The following CDK13 variants were observed in gnomAD, a reference collection of about 807,000 sequenced individuals.
The protein encoded by CDK13 is cyclin-dependent kinase 13.
A neutral mutation model predicts 137.6 loss-of-function variants in CDK13; 40 were observed. That is an observed-to-expected ratio of 0.29 (90% CI 0.23 to 0.38). The LOEUF (loss-of-function observed/expected upper bound fraction) is 0.38. Among genes scored for constraint, CDK13 ranks in the 10% least tolerant of loss-of-function variants. CDK13 has a pLI of 1.00. For missense variants in CDK13, 1,704 were observed against 1,951.8 expected, an observed-to-expected ratio of 0.87 and a Z score of 2.39; for synonymous variants, 869 against 760.1, an observed-to-expected ratio of 1.14 and a Z score of -2.36.
rs553065336 is a variant in CDK13 at position 39,962,764 on chromosome 7, A to G, written c.1211+10912A>G. 5.9e-5 allele frequency among the ~76,000 whole-genome samples: 9 copies of G among 152,230 alleles called. No individual in the cohort carries two copies. The South Asian group carries it at 1.7e-3, about 28-fold the overall frequency. The stretch of plus-strand genomic sequence containing the variant: ...TTTCTTCTAGGCTTTTAGGTCTAAC[A>G]TTTAAGTCTGTAATCCATCTTGAAT... On this transcript the variant is annotated intron_variant, in intron 1 of 13. Transcript: ENST00000181839.
intron 9 of CDK13, chr7:40,068,106 A>G (rs939803745): frequency 4.0e-5 from 6 of 150,724 alleles, no homozygotes; most frequent in Non-Finnish European, 8.8e-5. Context: ...AAAAAAAAGA[A>G]AAATTGTATA....
intron 12 of CDK13, among the ~76,000 whole-genome samples, chr7:40,090,930 G>A (rs1325547951): frequency 6.6e-6 from 1 of 151,990 alleles, no homozygotes; most frequent in African/African-American, 2.4e-5. Context: ...AGAATTCCAG[G>A]CTGGGCATGG....
At chr7:40,021,222 C>T (rs1024134075) in intron 5 of CDK13, among the ~76,000 whole-genome samples, 11 of 152,010 alleles carry the variant, frequency 7.2e-5, no homozygotes, top group South Asian at 2.1e-4. Context: ...TTTGACTGGG[C>T]GCGGTGGCTC....
intron 11 of CDK13, among the ~76,000 whole-genome samples, chr7:40,081,129 C>G (rs1363146305): frequency 6.6e-6 from 1 of 152,076 alleles, no homozygotes; most frequent in African/African-American, 2.4e-5. Flanking sequence ...TCCAAGCTAG[C>G]TCTTTGGTAA....
At chr7:40,065,044 A>G (rs1137931) in intron 9 of CDK13, among the ~76,000 whole-genome samples, 1 of 138,776 alleles carries the variant, frequency 7.2e-6, no homozygotes, top group Non-Finnish European at 1.5e-5. Flanking sequence ...CTTGGACTCA[A>G]GCGATCATCC....
chr7:39,990,009 C>A (rs1173261066), intron 2 of CDK13, among the ~76,000 whole-genome samples: 1 of 152,172 alleles, frequency 6.6e-6, no homozygotes. Context: ...TGGTCTCGAT[C>A]TCCTGACCTC....
chr7:40,067,184 A>G (rs1786298934), intron 9 of CDK13: 1 of 152,236 alleles, frequency 6.6e-6, no homozygotes, highest in Non-Finnish European at 1.5e-5. Flanking sequence ...TCATAAAACT[A>G]GCAAGTGGCA....
intron 1 of CDK13, among the ~76,000 whole-genome samples, chr7:39,975,521 C>T (rs1260313460): frequency 6.6e-6 from 1 of 152,152 alleles, no homozygotes; most frequent in Non-Finnish European, 1.5e-5. Flanking sequence ...AAGGAAATCT[C>T]CTATTTTGTA....
intron 9 of CDK13, chr7:40,069,312 A>G (rs1292737184): frequency 2.2e-6 from 1 of 455,796 alleles, no homozygotes. Context: ...CTTTTCAGAC[A>G]TGAAGAAAAT....
chr7:40,012,162 T>C (rs1217865114), intron 5 of CDK13, among the ~76,000 whole-genome samples: 3 of 152,100 alleles, frequency 2.0e-5, no homozygotes, highest in Non-Finnish European at 4.4e-5. Context: ...AGGAAATAAG[T>C]GTTGTCCAGG....
At chr7:39,959,838 C>G (rs1787551587) in intron 1 of CDK13, among the ~76,000 whole-genome samples, 1 of 76,656 alleles carries the variant, frequency 1.3e-5, no homozygotes, top group Non-Finnish European at 2.4e-5. Context: ...TAGCTACTAA[C>G]TTGTTTTTTT....
At chr7:40,089,625 A>G (rs1411116725) in intron 12 of CDK13, among the ~76,000 whole-genome samples, 1 of 151,880 alleles carries the variant, frequency 6.6e-6, no homozygotes, top group Admixed American at 6.6e-5. Flanking sequence ...TGCCTAAAAC[A>G]TCCAGAAACA....
intron 5 of CDK13, among the ~76,000 whole-genome samples, chr7:40,012,706 G>C (rs1784920627): frequency 6.6e-6 from 1 of 152,136 alleles, no homozygotes; most frequent in Admixed American, 6.5e-5. Context: ...CCTGAGGTCA[G>C]TTCAAGACTA....
intron 7 of CDK13, among the ~76,000 whole-genome samples, chr7:40,052,309 T>C (rs1785909528): frequency 6.6e-6 from 1 of 152,112 alleles, no homozygotes; most frequent in East Asian, 1.9e-4. Flanking sequence ...CCTGAGTAGA[T>C]GGGATTACAG....
chr7:40,028,296 A>G (rs1186628596), intron 5 of CDK13, among the ~76,000 whole-genome samples: 1 of 146,978 alleles, frequency 6.8e-6, no homozygotes, highest in African/African-American at 2.6e-5. Context: ...TAGGCTCACT[A>G]CAAGCTCCGC....
intron 1 of CDK13, among the ~76,000 whole-genome samples, chr7:39,970,714 G>A (rs1047362491): frequency 6.6e-6 from 1 of 152,148 alleles, no homozygotes; most frequent in Non-Finnish European, 1.5e-5. Context: ...ACCCACTTCA[G>A]CCTCCCAAAG....
In CDK13 at chr7:40,050,295, G is replaced by A. The variant is rs1292297355; in HGVS notation, c.2600+2418G>A. Among the ~76,000 whole-genome samples, 4 of 152,228 alleles carry A rather than the reference G, an allele frequency of 2.6e-5. No individual in the cohort carries two copies. The East Asian group carries it at 7.7e-4, about 29-fold the overall frequency. On this transcript the variant is annotated intron_variant, in intron 7 of 13. Coordinates refer to ENST00000181839, the MANE Select transcript of CDK13 (RefSeq NM_003718.5). The stretch of plus-strand genomic sequence containing the variant: ...TATTCTTTCTGTCATATATAATAGT[G>A]CCTCTTGGTAGAAGTTGAAAGGAAA...
chr7:39,957,516 A>T (rs1390553032), intron 1 of CDK13, among the ~76,000 whole-genome samples: 1 of 152,182 alleles, frequency 6.6e-6, no homozygotes, highest in Non-Finnish European at 1.5e-5. Context: ...GATGCGAGTT[A>T]TATCTGTAAA....
At position 40,082,355 on chromosome 7, in the gene CDK13, C is replaced by T. The variant is rs922555783; in HGVS notation, c.3029+3504C>T. ...TGCAAAAATTAGCCAGGTGTGGTGG[C>T]GGGTGCCTGTAATCCCGGCTACTCG... On this transcript the variant is annotated intron_variant, in intron 11 of 13. Transcript: ENST00000181839. 5.9e-5 allele frequency among the ~76,000 whole-genome samples: 9 copies of T among 151,908 alleles called. No homozygotes were observed. In the South Asian group the frequency reaches 1.5e-3, roughly 25 times the overall value.
Sources: gnomAD v4.1 joint callset for allele counts (sites outside exome capture counted in the v4.1 genomes callset) on GRCh38, gnomAD v4.1.1 for gene constraint, MANE v1.5 for transcripts, NCBI Gene and HGNC (gene_info 2026-07-23, HGNC 2026-07-21) for gene names.